ADGRG7: variants seen among roughly 807,000 people sequenced by gnomAD.
ADGRG7 encodes G-protein coupled receptor 128.
A neutral mutation model predicts 88.6 loss-of-function variants in ADGRG7; 82 were observed. The ratio of observed to expected loss-of-function variants is 0.93; its 90% CI spans 0.77 to 1.11. The LOEUF (loss-of-function observed/expected upper bound fraction) is 1.11. ADGRG7 is among the 50% of genes most tolerant of loss of function. The pLI, the probability that ADGRG7 is intolerant of heterozygous loss-of-function variation, is 0.00. For synonymous variants in ADGRG7, 381 were observed against 345.2 expected, an observed-to-expected ratio of 1.10 and a Z score of -1.15; for missense variants, 945 against 953.4, an observed-to-expected ratio of 0.99 and a Z score of 0.12.
intron 15 of ADGRG7, among the ~76,000 whole-genome samples, chr3:100,688,985 T>A (rs2094988216): frequency 6.6e-6 from 1 of 152,202 alleles, no homozygotes; most frequent in Non-Finnish European, 1.5e-5. Context: ...GGTGTTAAAA[T>A]CTCCCGTTAT....
chr3:100,691,217 G>A (rs2094993125), intron 15 of ADGRG7, among the ~76,000 whole-genome samples: 1 of 152,192 alleles, frequency 6.6e-6, no homozygotes, highest in Non-Finnish European at 1.5e-5. Flanking sequence ...TTGGAAAAGT[G>A]CGGTATTAGG....
intron 15 of ADGRG7, among the ~76,000 whole-genome samples, chr3:100,681,648 T>G (rs1308706785): frequency 6.6e-6 from 1 of 152,126 alleles, no homozygotes; most frequent in African/African-American, 2.4e-5. Flanking sequence ...CTCTTTACAC[T>G]CCTCACTCTA....
At chr3:100,653,466 G>A (rs1400343173) in intron 11 of ADGRG7, among the ~76,000 whole-genome samples, 2 of 152,128 alleles carry the variant, frequency 1.3e-5, no homozygotes, top group Non-Finnish European at 2.9e-5. Flanking sequence ...CTACTAATGT[G>A]CAGAGTTTTC....
At chr3:100,646,869 G>A in intron 10 of ADGRG7, 145 bp downstream of exon 10, 1 of 795,946 alleles carries the variant, frequency 1.3e-6, no homozygotes, top group Non-Finnish European at 1.9e-6. Context: ...ATAAAATAAT[G>A]GGACTTAAGG....
At chr3:100,612,946 G>A (rs1418259734) in intron 1 of ADGRG7, among the ~76,000 whole-genome samples, 1 of 152,172 alleles carries the variant, frequency 6.6e-6, no homozygotes, top group East Asian at 1.9e-4. Flanking sequence ...CTGGACTGTG[G>A]TGGCATGATC....
At chr3:100,672,352 CTGTT>C (rs1465830777) in intron 15 of ADGRG7, among the ~76,000 whole-genome samples, 3 of 152,142 alleles carry the variant, frequency 2.0e-5, no homozygotes, top group South Asian at 2.1e-4. Flanking sequence ...ATTTGGCTCT[CTGTT>C]TGTCTGTTAT....
At chr3:100,688,331 C>G (rs1191631859) in intron 15 of ADGRG7, among the ~76,000 whole-genome samples, 1 of 152,116 alleles carries the variant, frequency 6.6e-6, no homozygotes, top group Non-Finnish European at 1.5e-5. Flanking sequence ...AAACCAGCTC[C>G]TGGATTCATT....
At chr3:100,666,683 C>A (rs1449714111) in intron 14 of ADGRG7, among the ~76,000 whole-genome samples, 1 of 151,984 alleles carries the variant, frequency 6.6e-6, no homozygotes, top group South Asian at 2.1e-4. Context: ...TCAGCACAGA[C>A]CCTTTACGGG....
rs577692906 is a variant in ADGRG7, at chr3:100,652,382, A to G, written c.1380-2453A>G. 2.0e-5 allele frequency among the ~76,000 whole-genome samples: 3 copies of G among 152,316 alleles called. No individual in the cohort carries two copies. In the South Asian group the frequency reaches 6.2e-4, roughly 32 times the overall value. ...CTTCATCAAATTATGAGTTATTAAG[A>G]ATAGAGAGGCATTTGAAGGTTAGAA... On this transcript the variant is annotated intron_variant, in intron 11 of 15. Coordinates refer to ENST00000273352, the MANE Select transcript of ADGRG7 (RefSeq NM_032787.3).
In ADGRG7 at chr3:100,670,132, A is replaced by G. The variant is rs188030444; in HGVS notation, c.2136+1027A>G. Among the ~76,000 whole-genome samples the G allele has an allele frequency of 2.1e-3, 313 of 152,190 alleles. 1 individual carries two copies. The highest frequency in any genetic ancestry group is 6.8e-3 in the Middle Eastern group (2 of 294). ...TAACTATATTTTTGTACCAATACCC[A>G]TTAACCATTCCCGCTTTCCCCTCCC... On this transcript the variant is annotated intron_variant, in intron 15 of 15. Transcript: ENST00000273352.
Position 100,686,889 on chromosome 3 carries a change from TA to T in ADGRG7, c.2137-7852del, listed in dbSNP as rs535260929. ...TTTTTGGTTCCATATGAACGAACTTTAAAGTAGTTTTTTCCAATTCTGTGAA... is the reference window on the plus strand; with the variant it reads ...TTTTTGGTTCCATATGAACGAACTTTAAGTAGTTTTTTCCAATTCTGTGAA... On this transcript the variant is annotated intron_variant, in intron 15 of 15. Transcript: ENST00000273352. Among the ~76,000 whole-genome samples, 399 of 152,336 alleles carry T rather than the reference TA, an allele frequency of 2.6e-3. 1 individual carries two copies. The highest frequency in any genetic ancestry group is 9.4e-3 in the African/African-American group (391 of 41,570).
intron 10 of ADGRG7, 69 bp downstream of exon 10, chr3:100,646,793 C>T (rs996588462): frequency 8.0e-7 from 1 of 1,248,742 alleles, no homozygotes; most frequent in African/African-American, 1.5e-5. Context: ...GTAGGTGCTC[C>T]TTGGAGATAA....
At chr3:100,669,999 C>T (rs529423621) in intron 15 of ADGRG7, among the ~76,000 whole-genome samples, 54 of 152,122 alleles carry the variant, frequency 3.5e-4, no homozygotes, top group Non-Finnish European at 6.5e-4. Flanking sequence ...GATCACACCA[C>T]TGCACTTCAG....
rs780986641 is a variant in ADGRG7, at chr3:100,643,278, A to C, written c.711A>C (p.Gln237His). Reference protein sequence around the residue: ...NDDALTTLIEQMETYSLSLGN... With the variant: ...NDDALTTLIEHMETYSLSLGN... ...TTATTATATGCAGGCTTATTGAGCA[A>C]ATGGAGACTTATTCCTTGTCTTTGG... Residue 237 changes from glutamine (Q) to histidine (H), a missense_variant, in exon 7 of 16, where the codon CAA becomes CAC. By Grantham distance (24) the Gln-to-His change is conservative. Coordinates refer to ENST00000273352, the MANE Select transcript of ADGRG7 (RefSeq NM_032787.3). 6.2e-7 allele frequency: 1 copy of C among 1,613,254 alleles called. No homozygotes were observed. Among genetic ancestry groups the C allele is most frequent in the African/African-American group, 1.3e-5 (1 of 74,898 alleles).
chr3:100,651,684 AT>A (rs71748294), intron 11 of ADGRG7, among the ~76,000 whole-genome samples: 2,145 of 149,732 alleles, frequency 0.014, 29 homozygotes, highest in African/African-American at 0.04. Context: ...TCTCAAACAA[AT>A]TTTTTTTTTT....
chr3:100,641,720 T>C (rs1159642668), intron 6 of ADGRG7, among the ~76,000 whole-genome samples: 1 of 152,244 alleles, frequency 6.6e-6, no homozygotes, highest in African/African-American at 2.4e-5. Context: ...GGAAGATGAC[T>C]GAGGATCCAA....
intron 1 of ADGRG7, among the ~76,000 whole-genome samples, chr3:100,610,859 G>A (rs1351746680): frequency 6.6e-6 from 1 of 152,180 alleles, no homozygotes; most frequent in East Asian, 1.9e-4. Flanking sequence ...AGGTAACTGG[G>A]GAGGACAGAA....
chr3:100,613,169 C>T (rs139574302), intron 1 of ADGRG7, among the ~76,000 whole-genome samples: 2,372 of 152,238 alleles, frequency 0.016, 32 homozygotes, highest in South Asian at 0.031. Flanking sequence ...GGATTACAGG[C>T]GTGAGCCACC....
At chr3:100,640,118 C>A (rs182036558) in intron 6 of ADGRG7, among the ~76,000 whole-genome samples, 52 of 152,284 alleles carry the variant, frequency 3.4e-4, no homozygotes, top group East Asian at 5.8e-4. Flanking sequence ...GGTCAACAAC[C>A]CTTTAGCTCT....
Sources: allele counts gnomAD v4.1 joint callset (sites outside exome capture counted in the v4.1 genomes callset), GRCh38; gene constraint gnomAD v4.1.1; transcripts MANE v1.5; gene names NCBI Gene and HGNC (gene_info 2026-07-23, HGNC 2026-07-21).